PTPRT: variants seen among roughly 807,000 people sequenced by gnomAD.
The protein encoded by PTPRT is receptor-type tyrosine-protein phosphatase T.
A neutral mutation model predicts 176.8 loss-of-function variants in PTPRT; 56 were observed. That is an observed-to-expected ratio of 0.32 (90% CI 0.26 to 0.40). The LOEUF is 0.40. Among genes scored for constraint, PTPRT ranks in the 10% least tolerant of loss-of-function variants. The pLI, the probability that PTPRT is intolerant of heterozygous loss-of-function variation, is 1.00. For synonymous variants in PTPRT, 783 were observed against 739.0 expected (o/e 1.06, Z -0.96); for missense variants, 1,540 against 1,908.2 (o/e 0.81, Z 3.60).
intron 1 of PTPRT, among the ~76,000 whole-genome samples, chr20:43,102,887 T>A (rs891940737): frequency 2.0e-5 from 3 of 152,076 alleles, no homozygotes; most frequent in Admixed American, 2.0e-4. Context: ...CAAGGTGTAC[T>A]TTGGGGGATG....
chr20:43,187,666 G>T (rs1369838547), intron 1 of PTPRT, among the ~76,000 whole-genome samples: 1 of 151,982 alleles, frequency 6.6e-6, no homozygotes, highest in African/African-American at 2.4e-5. Flanking sequence ...ATGCTATATC[G>T]CAGGTTTGCA....
chr20:42,523,510 G>T (rs1295433312), intron 7 of PTPRT, among the ~76,000 whole-genome samples: 2 of 152,100 alleles, frequency 1.3e-5, no homozygotes, highest in Non-Finnish European at 2.9e-5. Flanking sequence ...TGTTCATGGG[G>T]TTTTGTTTTG....
intron 1 of PTPRT, among the ~76,000 whole-genome samples, chr20:42,935,514 G>A (rs1290551732): frequency 3.3e-5 from 5 of 151,800 alleles, no homozygotes; most frequent in Non-Finnish European, 5.9e-5. Flanking sequence ...ACAAAGGAAC[G>A]AATATTCAAA....
At chr20:43,075,505 T>C (rs1229445192) in intron 1 of PTPRT, among the ~76,000 whole-genome samples, 2 of 152,244 alleles carry the variant, frequency 1.3e-5, no homozygotes, top group African/African-American at 2.4e-5. Flanking sequence ...CAGGTTGTTG[T>C]TGCATCTCGA....
chr20:42,157,471 G>C (rs1159829336), intron 17 of PTPRT, among the ~76,000 whole-genome samples: 2 of 151,510 alleles, frequency 1.3e-5, no homozygotes, highest in African/African-American at 2.4e-5. Flanking sequence ...TCAGCCTCCA[G>C]AGTACCTAGG....
At chr20:42,061,859 C>T in the PTPRT span, among the ~76,000 whole-genome samples, 1 of 152,238 alleles carries the variant, frequency 6.6e-6, no homozygotes, top group Non-Finnish European at 1.5e-5. Context: ...GAAGGTGTTG[C>T]CACAGACATT....
intron 3 of PTPRT, among the ~76,000 whole-genome samples, chr20:42,781,775 T>C (rs2077218788): frequency 6.6e-6 from 1 of 152,220 alleles, no homozygotes; most frequent in Admixed American, 6.5e-5. Context: ...ACACGGAAGA[T>C]ACTAATAATC....
At chr20:42,363,606 G>C (rs888658549) in intron 9 of PTPRT, among the ~76,000 whole-genome samples, 1 of 151,792 alleles carries the variant, frequency 6.6e-6, no homozygotes, top group East Asian at 1.9e-4. Flanking sequence ...CACCGTGCCC[G>C]GCCTATTACA....
At chr20:43,145,650 G>A (rs1455476415) in intron 1 of PTPRT, among the ~76,000 whole-genome samples, 1 of 152,138 alleles carries the variant, frequency 6.6e-6, no homozygotes, top group Non-Finnish European at 1.5e-5. Flanking sequence ...TTTTTATCTG[G>A]TTCAGCCCTG....
At chr20:42,885,968 G>A (rs763082511) in intron 1 of PTPRT, 36 bp from the exon 2 acceptor site, 24 of 1,540,992 alleles carry the variant, frequency 1.6e-5, no homozygotes, top group South Asian at 9.5e-5. Flanking sequence ...ATACATTCCC[G>A]TGTCTGAGGC....
At chr20:42,593,489 G>T (rs2073615715) in intron 7 of PTPRT, among the ~76,000 whole-genome samples, 1 of 152,176 alleles carries the variant, frequency 6.6e-6, no homozygotes, top group Non-Finnish European at 1.5e-5. Context: ...ATGTCATGTA[G>T]CTTACTTATT....
chr20:42,655,792 T>C (rs1185135165), intron 7 of PTPRT, among the ~76,000 whole-genome samples: 1 of 152,142 alleles, frequency 6.6e-6, no homozygotes, highest in Non-Finnish European at 1.5e-5. Context: ...ATTTACCAAA[T>C]AGGAGTAGAC....
Position 42,444,483 on chromosome 20 carries a change from G to A in PTPRT, c.1560+3737C>T, listed in dbSNP as rs181067053. 3.3e-5 allele frequency among the ~76,000 whole-genome samples: 5 copies of A among 152,320 alleles called. No individual in the cohort carries two copies. In the East Asian group the frequency reaches 9.7e-4, roughly 29 times the overall value. ...CACATTTTGGGGGGCAGAATTGTCT[G>A]AGGATGGACTCAGAGGCTGTGACTT... On this transcript the variant is annotated intron_variant, in intron 9 of 30. Transcript: ENST00000373187.
chr20:42,396,084 C>A (rs577913620), intron 9 of PTPRT, among the ~76,000 whole-genome samples: 1 of 152,172 alleles, frequency 6.6e-6, no homozygotes, highest in Non-Finnish European at 1.5e-5. Context: ...AAATATCCAA[C>A]AGGAATCCAT....
chr20:42,573,657 T>C (rs1264643364), intron 7 of PTPRT, among the ~76,000 whole-genome samples: 1 of 152,080 alleles, frequency 6.6e-6, no homozygotes, highest in African/African-American at 2.4e-5. Context: ...CTGTCCACAC[T>C]TATCAGAGCA....
rs377558942 is a variant in PTPRT at position 42,528,819 on chromosome 20, A to G, written c.1154-56257T>C. 3.1e-3 allele frequency among the ~76,000 whole-genome samples: 477 copies of G among 152,338 alleles called. 22 individuals carry two copies. In the South Asian group the frequency reaches 0.094, roughly 30 times the overall value. On this transcript the variant is annotated intron_variant, in intron 7 of 30. Coordinates refer to ENST00000373187, the MANE Select transcript of PTPRT (RefSeq NM_007050.6). The stretch of plus-strand genomic sequence containing the variant: ...TGCTTGCTTAATCTTAGATATCTCT[A>G]TCTCAAAACATTCCAGGACTGTGGC...
intron 1 of PTPRT, among the ~76,000 whole-genome samples, chr20:42,932,051 G>A (rs1979888218): frequency 6.6e-6 from 1 of 152,230 alleles, no homozygotes; most frequent in Admixed American, 6.5e-5. Context: ...CCTGGCTTGG[G>A]CGTGAGTCCT....
intron 1 of PTPRT, among the ~76,000 whole-genome samples, chr20:43,023,107 T>C (rs1035619634): frequency 8.5e-5 from 13 of 152,184 alleles, no homozygotes; most frequent in African/African-American, 3.1e-4. Context: ...CTAAGAAATA[T>C]GAAGGACCAG....
chr20:43,105,938 C>A (rs1319639596), intron 1 of PTPRT, among the ~76,000 whole-genome samples: 3 of 152,096 alleles, frequency 2.0e-5, no homozygotes, highest in Non-Finnish European at 1.5e-5. Context: ...ACTCCAGGTG[C>A]TAGTTTCCAC....
Sources: allele counts gnomAD v4.1 joint callset (sites outside exome capture counted in the v4.1 genomes callset), GRCh38; gene constraint gnomAD v4.1.1; transcripts MANE v1.5; gene names NCBI Gene and HGNC (gene_info 2026-07-23, HGNC 2026-07-21).